PAPPA: variants seen among roughly 807,000 people sequenced by gnomAD.
PAPPA encodes the protein pappalysin 1, also known as pappalysin-1.
In PAPPA, 60 loss-of-function variants were observed where a neutral mutation model predicts 164.0. The observed-to-expected ratio is 0.37, with a 90% CI of 0.30 to 0.45. The LOEUF (loss-of-function observed/expected upper bound fraction) is 0.45, where lower values mean the gene tolerates loss of function less well. Among genes scored for constraint, PAPPA ranks in the 20% least tolerant of loss-of-function variants. The pLI, the probability that PAPPA is intolerant of heterozygous loss-of-function variation, is 1.00. For synonymous variants in PAPPA, 875 were observed against 814.1 expected (o/e 1.07, Z -1.27); for missense variants, 1,782 against 2,087.3 (o/e 0.85, Z 2.85).
chr9:116,296,838 T>G (rs1845515199), intron 9 of PAPPA, among the ~76,000 whole-genome samples: 1 of 151,820 alleles, frequency 6.6e-6, no homozygotes, highest in South Asian at 2.1e-4. Context: ...AAATGATGTT[T>G]TTTAAAATTA....
rs931243745 is a variant in PAPPA, at chr9:116,187,390, G to T, written c.652G>T (p.Ala218Ser). 3.7e-6 allele frequency: 6 copies of T among 1,613,988 alleles called. No individual in the cohort carries two copies. The Admixed American group carries it at 6.7e-5, about 18-fold the overall frequency. Residue 218 changes from alanine to serine, a missense_variant, in exon 2 of 22, where the codon GCC becomes TCC. Around this residue, in one of 2 missense-constraint regions of PAPPA, gnomAD observed 458 missense variants for 430.3 expected, o/e 1.06. Transcript: ENST00000328252. The surrounding 1 kb of genome is among the most constrained non-coding windows in gnomAD (Gnocchi z 4.2). Reference protein sequence around the residue: ...MKLYVNGAQVATSGEQVGGIF... With the variant: ...MKLYVNGAQVSTSGEQVGGIF... ...GCTCTATGTGAATGGTGCCCAGGTG[G>T]CCACCTCTGGGGAACAAGTGGGTGG...
intron 10 of PAPPA, among the ~76,000 whole-genome samples, chr9:116,322,896 C>A (rs1398031038): frequency 2.0e-5 from 3 of 152,078 alleles, no homozygotes; most frequent in Non-Finnish European, 4.4e-5. Flanking sequence ...TTCCTATTTT[C>A]TTCTATAAGG....
chr9:116,324,117 A>G (rs912967932), intron 10 of PAPPA, among the ~76,000 whole-genome samples: 1 of 152,156 alleles, frequency 6.6e-6, no homozygotes, highest in South Asian at 2.1e-4. Flanking sequence ...TAGCACAAAT[A>G]TATCTATTCT....
chr9:116,314,214 G>T (rs1236981838), intron 10 of PAPPA, among the ~76,000 whole-genome samples: 1 of 151,414 alleles, frequency 6.6e-6, no homozygotes, highest in African/African-American at 2.4e-5. Context: ...GGGACTACAG[G>T]CACACACCAC....
intron 17 of PAPPA, among the ~76,000 whole-genome samples, chr9:116,357,336 G>A (rs1014879742): frequency 9.2e-5 from 14 of 152,252 alleles, no homozygotes; most frequent in South Asian, 2.1e-4. Context: ...TAGCACTTAC[G>A]GTATTCTCGT....
At chr9:116,288,441 C>G (rs4837612) in intron 9 of PAPPA, among the ~76,000 whole-genome samples, 73 of 136,090 alleles carry the variant, frequency 5.4e-4, no homozygotes, top group Non-Finnish European at 6.1e-4. Flanking sequence ...CTCCCTCCCT[C>G]CCTCCCTTCC....
At chr9:116,206,798 A>C (rs1029901672) in intron 2 of PAPPA, among the ~76,000 whole-genome samples, 1 of 152,212 alleles carries the variant, frequency 6.6e-6, no homozygotes, top group African/African-American at 2.4e-5. Context: ...GGGATACCAG[A>C]ACAGACTTTG....
At chr9:116,388,792 CA>C (rs1223388041) in intron 21 of PAPPA, among the ~76,000 whole-genome samples, 1 of 152,204 alleles carries the variant, frequency 6.6e-6, no homozygotes. Flanking sequence ...CCCAGAAACA[CA>C]TCTCAGCACA....
chr9:116,244,321 T>C (rs1844771496), intron 7 of PAPPA, among the ~76,000 whole-genome samples: 1 of 152,224 alleles, frequency 6.6e-6, no homozygotes, highest in African/African-American at 2.4e-5. Context: ...CATTATAGGT[T>C]CTCTTCTACA....
intron 3 of PAPPA, among the ~76,000 whole-genome samples, chr9:116,209,695 C>G (rs938108650): frequency 2.0e-5 from 3 of 152,176 alleles, no homozygotes; most frequent in Admixed American, 6.5e-5. Flanking sequence ...GTAAAGCAAA[C>G]AGGGCTAGCC....
At chr9:116,332,210 C>T (rs1406397623) in intron 11 of PAPPA, 123 bp from the exon 12 acceptor site, 1 of 691,942 alleles carries the variant, frequency 1.4e-6, no homozygotes, top group Non-Finnish European at 2.4e-6. Context: ...CATCTTGGAC[C>T]CCTGATGAGT....
chr9:116,180,532 T>C (rs1358955777), intron 1 of PAPPA, among the ~76,000 whole-genome samples: 1 of 152,156 alleles, frequency 6.6e-6, no homozygotes, highest in Non-Finnish European at 1.5e-5. Context: ...TTTGTTATTA[T>C]TATCATTATT....
intron 19 of PAPPA, among the ~76,000 whole-genome samples, chr9:116,377,125 G>T (rs2118682601): frequency 6.6e-6 from 1 of 152,066 alleles, no homozygotes; most frequent in East Asian, 1.9e-4. Context: ...GAGAAATGCT[G>T]CTCCACAGTT....
At chr9:116,211,133 G>C (rs977643148) in intron 3 of PAPPA, among the ~76,000 whole-genome samples, 3 of 152,214 alleles carry the variant, frequency 2.0e-5, no homozygotes, top group African/African-American at 7.2e-5. Context: ...CAGGGATGAA[G>C]ATATGAGATT....
intron 5 of PAPPA, among the ~76,000 whole-genome samples, chr9:116,223,832 G>C (rs1255067766): frequency 6.6e-6 from 1 of 152,104 alleles, no homozygotes; most frequent in Non-Finnish European, 1.5e-5. Context: ...CCAGTCAATG[G>C]GACCTTGAGC....
chr9:116,312,996 T>C (rs1033691677), intron 10 of PAPPA, among the ~76,000 whole-genome samples: 1 of 144,840 alleles, frequency 6.9e-6, no homozygotes, highest in Admixed American at 7.2e-5. Flanking sequence ...GGCAGAAGAA[T>C]GGCGTGAACC....
intron 2 of PAPPA, among the ~76,000 whole-genome samples, chr9:116,206,925 G>A (rs1372195783): frequency 6.6e-6 from 1 of 152,198 alleles, no homozygotes; most frequent in East Asian, 1.9e-4. Flanking sequence ...TCTGTATGCA[G>A]TGGGGTGCTC....
At chr9:116,382,814 C>G (rs1983813) in intron 21 of PAPPA, among the ~76,000 whole-genome samples, 122,055 of 151,272 alleles carry the variant, frequency 0.81, 49,375 homozygotes, top group Middle Eastern at 0.84. Flanking sequence ...AGAAGGCACT[C>G]TAGAGCAAGA....
At chr9:116,263,266 C>T (rs551456474) in intron 7 of PAPPA, among the ~76,000 whole-genome samples, 12 of 152,214 alleles carry the variant, frequency 7.9e-5, no homozygotes, top group East Asian at 7.7e-4. Context: ...ACACAGATTT[C>T]GCCCCAGGGT....
Sources: allele counts gnomAD v4.1 joint callset (sites outside exome capture counted in the v4.1 genomes callset), GRCh38; gene constraint gnomAD v4.1.1; regional missense constraint gnomAD v4.1.1; non-coding constraint Gnocchi (gnomAD v3.1); transcripts MANE v1.5; gene names NCBI Gene and HGNC (gene_info 2026-07-23, HGNC 2026-07-21).